The following GFAP variants were observed in gnomAD, a reference collection of about 807,000 sequenced individuals.
GFAP encodes the protein glial fibrillary acidic protein.
GFAP carries 38 observed loss-of-function variants against 49.3 expected under a neutral mutation model. The observed-to-expected ratio is 0.77, with a 90% CI of 0.60 to 1.01. The LOEUF is 1.01. Among genes scored for constraint, GFAP ranks in the 50% least tolerant of loss-of-function variants. The pLI is 0.00. For synonymous variants in GFAP, 222 were observed against 236.4 expected, an observed-to-expected ratio of 0.94 and a Z score of 0.56; for missense variants, 463 against 579.1, an observed-to-expected ratio of 0.80 and a Z score of 2.06.
intron 4 of GFAP, among the ~76,000 whole-genome samples, chr17:44,912,001 G>C (rs988793704): frequency 3.9e-5 from 6 of 152,246 alleles, no homozygotes; most frequent in Non-Finnish European, 7.3e-5. Context: ...GTCAGCAAGC[G>C]AATGAATGAA....
In GFAP at chr17:44,903,681, G is replaced by A. The variant is rs540308858; in HGVS notation, c.*3666C>T. On this transcript the variant is annotated 3_prime_UTR_variant, in exon 9 of 9. Coordinates refer to ENST00000588735, the MANE Select transcript of GFAP (RefSeq NM_002055.5). ...GGGAATAAATTGCCTTGCACTTGGC[G>A]GCTTCCTCTGCAGATTGTTGCTGCT... 87 of 1,435,422 alleles carry A rather than the reference G, an allele frequency of 6.1e-5. No individual in the cohort carries two copies. The East Asian group carries it at 7.7e-4, about 13-fold the overall frequency. 88.9% of individuals were successfully genotyped at this position (1,435,422 alleles called of 1,614,324 possible).
intron 7 of GFAP, 61 bp downstream of exon 7, chr17:44,910,554 C>T: frequency 6.4e-7 from 1 of 1,555,348 alleles, no homozygotes; most frequent in African/African-American, 1.4e-5. Flanking sequence ...GAGCAACCTA[C>T]AGGCCCTGGA....
At chr17:44,908,361 G>C (rs2051687644) in intron 7 of GFAP, 1 of 344,702 alleles carries the variant, frequency 2.9e-6, no homozygotes, top group Non-Finnish European at 5.2e-6. Flanking sequence ...CTGTCTTCTG[G>C]CCTGGCTTCA....
At position 44,908,527 on chromosome 17, in the gene GFAP, C is replaced by G. The variant is rs568874252; in HGVS notation, c.1172-378G>C. 30 of 169,158 alleles carry G rather than the reference C, an allele frequency of 1.8e-4. No homozygotes were observed. In the South Asian group the frequency reaches 2.3e-3, roughly 13 times the overall value. The allele number at this position is 169,158 out of a possible 1,614,324, so 10.5% of individuals were successfully genotyped here. A position where few individuals can be genotyped will look rare whatever the true frequency, so the allele number is the denominator to read the frequency against. The stretch of plus-strand genomic sequence containing the variant: ...GGTGGATCACCTGACGCCAGGAGTT[C>G]GAGACCAGCCTGGCCAACATAGTGA... On this transcript the variant is annotated intron_variant, in intron 7 of 8. Transcript: ENST00000588735.
At chr17:44,911,601 T>G (rs925909371) in intron 5 of GFAP, 71 bp downstream of exon 5, 8 of 1,594,626 alleles carry the variant, frequency 5.0e-6, no homozygotes, top group Non-Finnish European at 2.6e-6. Flanking sequence ...TCCCTGGCCC[T>G]TCTCCCCTGG....
rs942118732 is a variant in GFAP at position 44,910,619 on chromosome 17, A to G, written c.1167T>C (p.Ile389=). The G allele has an allele frequency of 7.6e-5, 120 of 1,580,354 alleles. No homozygotes were observed. The highest frequency in any genetic ancestry group is 1.0e-4 in the Non-Finnish European group (118 of 1,162,802). Residue 389 remains isoleucine (I), a synonymous_variant, in exon 7 of 9, where the codon ATT becomes ATC. Transcript: ENST00000588735. ...IPVQTFSNLQ[I]RETSLDTKSV... is the part of the protein sequence containing the mutation. ...ACGAGGCCCTGCTGTACTGACCTCG[A>G]ATCTGCAGGTTGGAGAAGGTCTGCA... is the stretch of plus-strand genomic sequence containing the variant.
Position 44,911,340 on chromosome 17 carries a change from C to G in GFAP, c.1023G>C (p.Glu341Asp). The G allele has an allele frequency of 6.2e-7, 1 of 1,614,202 alleles. No homozygotes were observed. The highest frequency in any genetic ancestry group is 1.1e-5 in the South Asian group (1 of 91,076). Reference sequence around the variant, plus strand: ...GGTACTCCTGCAAGTGGCGGGCCATCTCGTCCTTGAGGCTCTGCCCCTCTT... The same window carrying G: ...GGTACTCCTGCAAGTGGCGGGCCATGTCGTCCTTGAGGCTCTGCCCCTCTT... ...LEEEGQSLKD[E>D]MARHLQEYQD... The change falls in exon 6 of 9, where the codon GAG (glutamate) becomes GAC (aspartate). Residue 341 changes from glutamate (E) to aspartate (D), a missense_variant. Transcript: ENST00000588735.
intron 8 of GFAP, 140 bp downstream of exon 8, chr17:44,907,924 C>T: frequency 1.3e-6 from 1 of 775,346 alleles, no homozygotes; most frequent in Non-Finnish European, 2.4e-6. Context: ...AGTTTCCTTG[C>T]TCTCCTCCAG....
In GFAP at chr17:44,906,532, CA is replaced by C. The variant is rs1042038497; in HGVS notation, c.*814del. On this transcript the variant is annotated 3_prime_UTR_variant, in exon 9 of 9. Transcript: ENST00000588735. ...CCCCAAGTGCTGAGAATCAAGCTCCCACCTGCCCACAGCGTGCCCACAGATG... is the reference window on the plus strand; with the variant it reads ...CCCCAAGTGCTGAGAATCAAGCTCCCCCTGCCCACAGCGTGCCCACAGATG... 2.0e-5 allele frequency: 3 copies of C among 152,762 alleles called. No homozygotes were observed. Among genetic ancestry groups the C allele is most frequent in the African/African-American group, 7.2e-5 (3 of 41,568 alleles). 9.5% of individuals were successfully genotyped at this position (152,762 alleles called of 1,614,324 possible). A position where few individuals can be genotyped will look rare whatever the true frequency, so the allele number is the denominator to read the frequency against.
At position 44,909,838 on chromosome 17, in the gene GFAP, C is replaced by G. The variant is rs982287770; in HGVS notation, c.1171+777G>C. Reference sequence around the variant, plus strand: ...CCAGGCACAGCGAGACCCAAGGGGCCCTCCCAGTGACAGGAAGAGGTGAGA... The same window carrying G: ...CCAGGCACAGCGAGACCCAAGGGGCGCTCCCAGTGACAGGAAGAGGTGAGA... On this transcript the variant is annotated intron_variant, in intron 7 of 8. Transcript: ENST00000588735. 5 of 1,234,858 alleles carry G rather than the reference C, an allele frequency of 4.0e-6. No homozygotes were observed. In the Admixed American group the frequency reaches 1.1e-4, roughly 28 times the overall value. The allele number at this position is 1,234,858 out of a possible 1,614,324, so 76.5% of individuals were successfully genotyped here. A position where few individuals can be genotyped will look rare whatever the true frequency, so the allele number is the denominator to read the frequency against.
At chr17:44,911,022 A>T in intron 6 of GFAP, 1 of 627,374 alleles carries the variant, frequency 1.6e-6, no homozygotes, top group Non-Finnish European at 2.8e-6. Context: ...CTTGGCCTTG[A>T]GGCCTAATCA....
rs778838085 is a variant in GFAP at position 44,904,996 on chromosome 17, A to T, written c.*2351T>A. 3.2e-6 allele frequency: 5 copies of T among 1,550,786 alleles called. No individual in the cohort carries two copies. In the South Asian group the frequency reaches 5.9e-5, roughly 18 times the overall value. The stretch of plus-strand genomic sequence containing the variant: ...CCCTGATAGGCTACCTGCTCATCAC[A>T]GCAGTCTTTGTCACCATTCACTTCT... On this transcript the variant is annotated 3_prime_UTR_variant, in exon 9 of 9. Coordinates refer to ENST00000588735, the MANE Select transcript of GFAP (RefSeq NM_002055.5).
Position 44,907,177 on chromosome 17 carries a change from T to C in GFAP, c.*170A>G. On this transcript the variant is annotated 3_prime_UTR_variant, in exon 9 of 9. Coordinates refer to ENST00000588735, the MANE Select transcript of GFAP (RefSeq NM_002055.5). ...GGGTGCCGTCTGGCAGGCCTGATACTGACGGAGCCTAGGGCAGCAAGCTGA... is the reference window on the plus strand; with the variant it reads ...GGGTGCCGTCTGGCAGGCCTGATACCGACGGAGCCTAGGGCAGCAAGCTGA... 1.5e-6 allele frequency: 1 copy of C among 676,618 alleles called. No homozygotes were observed. The allele number at this position is 676,618 out of a possible 1,614,324, so 41.9% of individuals were successfully genotyped here.
At chr17:44,912,762 G>A (rs768551540) in intron 4 of GFAP, 9 of 215,618 alleles carry the variant, frequency 4.2e-5, no homozygotes, top group African/African-American at 9.1e-5. Flanking sequence ...TTGGGTGCAC[G>A]TCAATATCAC....
chr17:44,913,623 CCTCT>C (rs1262413849), intron 3 of GFAP, 101 bp downstream of exon 3: 2 of 1,060,296 alleles, frequency 1.9e-6, no homozygotes, highest in Non-Finnish European at 3.0e-6. Context: ...CTGTTTCTCT[CCTCT>C]CTCTGAGTGT....
chr17:44,908,355 C>CCAG, intron 7 of GFAP: 1 of 533,984 alleles, frequency 1.9e-6, no homozygotes, highest in Non-Finnish European at 3.3e-6. Context: ...GCTGCTCTGT[C>CCAG]TTCTGGCCTG....
Position 44,904,356 on chromosome 17 carries a change from C to A in GFAP, c.*2991G>T, listed in dbSNP as rs193255823. On this transcript the variant is annotated 3_prime_UTR_variant, in exon 9 of 9. Coordinates refer to ENST00000588735, the MANE Select transcript of GFAP (RefSeq NM_002055.5). The stretch of plus-strand genomic sequence containing the variant: ...GTCTTCACCACCTTCTGGGAATGGA[C>A]CCCCTGTGACCGCTGCGGAGTGCGT... 1.2e-4 allele frequency: 191 copies of A among 1,542,594 alleles called. 2 individuals are homozygous for A. In the Admixed American group the frequency reaches 3.6e-3, roughly 29 times the overall value.
At chr17:44,913,165 G>C (rs991987574) in intron 4 of GFAP, 104 bp downstream of exon 4, 6 of 1,133,460 alleles carry the variant, frequency 5.3e-6, no homozygotes, top group Admixed American at 1.7e-5. Context: ...CAGTCACCTG[G>C]AGAGGATATT....
At position 44,903,422 on chromosome 17, in the gene GFAP, G is replaced by C; in HGVS notation, c.*3925C>G. Reference sequence around the variant, plus strand: ...GAGGGTGGGTTTCCTTCATCCCCCAGGTTGATGAAAGACTTTTCCACCAGG... The same window carrying C: ...GAGGGTGGGTTTCCTTCATCCCCCACGTTGATGAAAGACTTTTCCACCAGG... On this transcript the variant is annotated 3_prime_UTR_variant, in exon 9 of 9. Coordinates refer to ENST00000588735, the MANE Select transcript of GFAP (RefSeq NM_002055.5). 5 of 1,252,516 alleles carry C rather than the reference G, an allele frequency of 4.0e-6. No homozygotes were observed. Among genetic ancestry groups the C allele is most frequent in the Non-Finnish European group, 5.0e-6 (5 of 1,000,158 alleles). The allele number at this position is 1,252,516 out of a possible 1,614,324, so 77.6% of individuals were successfully genotyped here. A position where few individuals can be genotyped will look rare whatever the true frequency, so the allele number is the denominator to read the frequency against.
Sources: allele counts gnomAD v4.1 joint callset (sites outside exome capture counted in the v4.1 genomes callset), GRCh38; gene constraint gnomAD v4.1.1; transcripts MANE v1.5; gene names NCBI Gene and HGNC (gene_info 2026-07-23, HGNC 2026-07-21).